GPAT2: variants seen among roughly 807,000 people sequenced by gnomAD.
GPAT2 encodes the protein glycerol-3-phosphate acyltransferase 2, mitochondrial, also known as 1-acylglycerol-3-phosphate O-acyltransferase GPAT2.
GPAT2 carries 51 observed loss-of-function variants against 71.0 expected under a neutral mutation model. The ratio of observed to expected loss-of-function variants is 0.72; its 90% CI spans 0.57 to 0.91. GPAT2 has a LOEUF of 0.91. Among genes scored for constraint, GPAT2 ranks in the 40% least tolerant of loss-of-function variants. GPAT2 has a pLI of 0.00. For synonymous variants in GPAT2, 222 were observed against 290.3 expected (o/e 0.76, Z 2.39); for missense variants, 511 against 666.0 (o/e 0.77, Z 2.56).
At chr2:96,025,200 C>G in intron 13 of GPAT2, 1 of 559,694 alleles carries the variant, frequency 1.8e-6, no homozygotes, top group Non-Finnish European at 3.2e-6. Flanking sequence ...GCTAAGGAGA[C>G]TCCGCTCAGA....
Position 96,022,714 on chromosome 2 carries a change from T to C in GPAT2, c.2243A>G (p.Asp748Gly). The C allele has an allele frequency of 6.2e-7, 1 of 1,613,878 alleles. No individual in the cohort carries two copies. The highest frequency in any genetic ancestry group is 8.5e-7 in the Non-Finnish European group (1 of 1,179,848). The change falls in exon 21 of 22, where the codon GAC becomes GGC. Residue 748 changes from aspartate (D) to glycine (G), a missense_variant. Asp to Gly is a moderately conservative substitution (Grantham distance 94, BLOSUM62 -1). Transcript: ENST00000434632. ...AQEEGIFECA[D>G]PKLAISAVWT... ...GACAGCACTGATGGCGAGCTTTGGG[T>C]CCGCACACTCTGGAAAGAAGAGAGA...
Position 96,024,810 on chromosome 2 carries a change from G to A in GPAT2, c.1391C>T (p.Ala464Val). 6.2e-7 allele frequency: 1 copy of A among 1,613,700 alleles called. No homozygotes were observed. The change falls in exon 14 of 22, where the codon GCC (alanine) becomes GTC (valine). Residue 464 changes from alanine (A) to valine (V), a missense_variant. By Grantham distance (64) the Ala-to-Val change is moderately conservative. Transcript: ENST00000434632. ...GAAGAGCAGCAGCGTTGCCATAATGGCCGTGCTCATCACCGCAGAGCTCCC... is the reference window on the plus strand; with the variant it reads ...GAAGAGCAGCAGCGTTGCCATAATGACCGTGCTCATCACCGCAGAGCTCCC... ...SVGSSAVMST[A>V]IMATLLLFKH...
Position 96,025,981 on chromosome 2 carries a change from C to T in GPAT2, c.1187G>A (p.Gly396Asp). The part of the protein sequence containing the change: ...EYIVSARSCW[G>D]GRQTLEQLLQ... ...TAGCTGCTCCAGGGTCTGTCTGCCG[C>T]CCCAGCAGCTTCTGGCACTGACGAT... The change falls in exon 12 of 22, where the codon GGC (glycine) becomes GAC (aspartate). Residue 396 changes from glycine (G) to aspartate (D), a missense_variant. This residue lies in a region of GPAT2 where 79 missense variants were observed against 111.4 expected (regional missense o/e 0.71). Transcript: ENST00000434632. 1 of 1,612,750 alleles carries T rather than the reference C, an allele frequency of 6.2e-7. No homozygotes were observed.
intron 13 of GPAT2, 142 bp from the exon 14 acceptor site, chr2:96,024,985 ATC>A: frequency 1.0e-6 from 1 of 955,132 alleles, no homozygotes; most frequent in Non-Finnish European, 1.7e-6. Context: ...AGTGGTGTTT[ATC>A]ATCACACAGG....
chr2:96,022,340 GC>G, intron 21 of GPAT2, 65 bp from the exon 22 acceptor site: 1 of 1,479,124 alleles, frequency 6.8e-7, no homozygotes, highest in South Asian at 1.4e-5. Flanking sequence ...TGGCCCAGGG[GC>G]CAGGCCTGTC....
chr2:96,022,251 C>G lies in GPAT2; in HGVS notation c.2314G>C (p.Ala772Pro). 1 of 1,603,302 alleles carries G rather than the reference C, an allele frequency of 6.2e-7. No homozygotes were observed. Among genetic ancestry groups the G allele is most frequent in the Non-Finnish European group, 8.5e-7 (1 of 1,174,710 alleles). The change falls in exon 22 of 22, where the codon GCA (alanine) becomes CCA (proline). Residue 772 changes from alanine (A) to proline (P), a missense_variant. By Grantham distance (27) the Ala-to-Pro change is conservative. Coordinates refer to ENST00000434632, the MANE Select transcript of GPAT2 (RefSeq NM_001321527.2). ...GGGGACAGGTGGAGCCTGGGGCCTGCAGGGCTCGGCGTCTGCTGCAGAACC... is the reference window on the plus strand; with the variant it reads ...GGGGACAGGTGGAGCCTGGGGCCTGGAGGGCTCGGCGTCTGCTGCAGAACC... ...LGVLQQTPSP[A>P]GPRLHLSPTF...
chr2:96,024,629 C>G lies in GPAT2; in HGVS notation c.1485G>C (p.Leu495=). 1 of 1,613,916 alleles carries G rather than the reference C, an allele frequency of 6.2e-7. No homozygotes were observed. The highest frequency in any genetic ancestry group is 8.5e-7 in the Non-Finnish European group (1 of 1,179,932). The change falls in exon 15 of 22, where the codon CTG becomes CTC. Residue 495 remains leucine (L), a synonymous_variant. Transcript: ENST00000434632. ...AGAAGCCTACATCAAAGCCACGCAACAGTATCTCCTCCGTCAGCCAGGAGA... is the reference window on the plus strand; with the variant it reads ...AGAAGCCTACATCAAAGCCACGCAAGAGTATCTCCTCCGTCAGCCAGGAGA... ...GEFSWLTEEI[L]LRGFDVGFSG...
Position 96,024,575 on chromosome 2 carries a change from G to T in GPAT2, c.1539C>A (p.His513Gln). 2 of 1,613,880 alleles carry T rather than the reference G, an allele frequency of 1.2e-6. No homozygotes were observed. The highest frequency in any genetic ancestry group is 1.7e-6 in the Non-Finnish European group (2 of 1,179,926). The change falls in exon 15 of 22, where the codon CAC becomes CAA. Residue 513 changes from histidine to glutamine, a missense_variant. This residue lies in a region of GPAT2 where 295 missense variants were observed against 305.5 expected (regional missense o/e 0.97). Transcript: ENST00000434632. ...FSGQLRSLLQHSLSLLRAHVA... is the reference protein window; with the variant it reads ...FSGQLRSLLQQSLSLLRAHVA... ...CGTGCGCCCGCAGCAGGCTCAGTGAGTGCTGCAGCAGGCTCCGCAGCTGCC... is the reference window on the plus strand; with the variant it reads ...CGTGCGCCCGCAGCAGGCTCAGTGATTGCTGCAGCAGGCTCCGCAGCTGCC...
intron 12 of GPAT2, 22 bp downstream of exon 12, chr2:96,025,908 C>G: frequency 3.1e-6 from 5 of 1,609,692 alleles, no homozygotes; most frequent in Non-Finnish European, 4.2e-6. Flanking sequence ...CCCCCTGAGA[C>G]CCCACGCTCC....
At chr2:96,022,843 A>G in intron 20 of GPAT2, 115 bp downstream of exon 20, 1 of 1,612,368 alleles carries the variant, frequency 6.2e-7, no homozygotes, top group South Asian at 1.1e-5. Context: ...TGGACAGAAG[A>G]CTGTACTCTG....
At position 96,024,486 on chromosome 2, in the gene GPAT2, G is replaced by A. The variant is rs768901134; in HGVS notation, c.1628C>T (p.Thr543Ile). The change falls in exon 15 of 22, where the codon ACA (threonine) becomes ATA (isoleucine). Residue 543 changes from threonine to isoleucine, a missense_variant. Physicochemically the swap from Thr to Ile is moderately conservative, Grantham distance 89 (BLOSUM62 -1). Transcript: ENST00000434632. ...CTCAGCACTCAGTTGTGCCAGGTGT[G>A]TGAGGCCTGGGCCAGGCTGCGGCAC... ...LVVPQPGPGL[T>I]HLAQLSAELL... 3.1e-6 allele frequency: 5 copies of A among 1,614,016 alleles called. No individual in the cohort carries two copies. The highest frequency in any genetic ancestry group is 1.1e-5 in the South Asian group (1 of 91,082).
In GPAT2 at chr2:96,024,325, C is replaced by T. The variant is rs536429504; in HGVS notation, c.1700G>A (p.Arg567Gln). 6.6e-5 allele frequency: 104 copies of T among 1,582,628 alleles called. No individual in the cohort carries two copies. The highest frequency in any genetic ancestry group is 2.9e-4 in the East Asian group (13 of 44,494). Residue 567 changes from arginine to glutamine, a missense_variant, in exon 16 of 22, where the codon CGG becomes CAG. Around this residue, in one of 7 missense-constraint regions of GPAT2, gnomAD observed 295 missense variants for 305.5 expected, o/e 0.97. Transcript: ENST00000434632. ...LSEAVGACAV[R>Q]GLLAGRVPPQ... ...CGGCACTCTGCCTGCCAGCAGCCCC[C>T]GCACTGCACAGGCTGGGGGCGGAGG...
At chr2:96,024,150 G>A (rs767517231) in intron 16 of GPAT2, 39 bp downstream of exon 16, 17 of 1,498,298 alleles carry the variant, frequency 1.1e-5, no homozygotes, top group South Asian at 2.7e-5. Context: ...ACCAAGAGGG[G>A]AAGGCCTAGG....
Position 96,023,382 on chromosome 2 carries a change from A to G in GPAT2, c.1973T>C (p.Leu658Pro). ...TGRQRLSRKL[L>P]WKPSGDFTDS... ...AGTAAAGTCCCCACTCGGTTTCCACAGCAGCTTTCTGCTCAATCGCTGTCG... is the reference window on the plus strand; with the variant it reads ...AGTAAAGTCCCCACTCGGTTTCCACGGCAGCTTTCTGCTCAATCGCTGTCG... The change falls in exon 18 of 22, where the codon CTG (leucine) becomes CCG (proline). Residue 658 changes from leucine to proline, a missense_variant. Physicochemically the swap from Leu to Pro is moderately conservative, Grantham distance 98. Transcript: ENST00000434632. The G allele has an allele frequency of 1.2e-6, 2 of 1,614,184 alleles. No homozygotes were observed. Among genetic ancestry groups the G allele is most frequent in the African/African-American group, 1.3e-5 (1 of 75,080 alleles).
intron 20 of GPAT2, 27 bp from the exon 21 acceptor site, chr2:96,022,750 C>T: frequency 7.4e-6 from 12 of 1,613,966 alleles, no homozygotes; most frequent in Non-Finnish European, 9.3e-6. Flanking sequence ...AGTGAAGGCT[C>T]TAGGTAGGGA....
rs1463684700 is a variant in GPAT2 at position 96,025,944 on chromosome 2, G to A, written c.1224C>T (p.Ile408=). ...TGTGCCCCTACCATTGGCCCAGCAC[G>A]ATGGGCTGCAGTAGCTGCTCCAGGG... is the stretch of plus-strand genomic sequence containing the variant. ...RQTLEQLLQP[I]VLGQCTAVPD... is the part of the protein sequence containing the mutation. The change falls in exon 12 of 22, where the codon ATC becomes ATT. Residue 408 remains isoleucine (I), a synonymous_variant. Transcript: ENST00000434632. 11 of 1,612,202 alleles carry A rather than the reference G, an allele frequency of 6.8e-6. No homozygotes were observed. Among genetic ancestry groups the A allele is most frequent in the Middle Eastern group, 2.0e-4 (1 of 4,976 alleles).
chr2:96,024,296 G>A lies in GPAT2; in HGVS notation c.1729C>T (p.Gln577Ter). 6.4e-7 allele frequency: 1 copy of A among 1,559,174 alleles called. No individual in the cohort carries two copies. Among genetic ancestry groups the A allele is most frequent in the African/African-American group, 1.4e-5 (1 of 73,712 alleles). ...ATGCCCTGCAGCTCCCAGGGCCCCT[G>A]GGGCGGCACTCTGCCTGCCAGCAGC... is the stretch of plus-strand genomic sequence containing the variant. ...RGLLAGRVPP[Q>*]GPWELQGILL... The change falls in exon 16 of 22, where the codon CAG (glutamine) becomes TAG (stop). Residue 577 changes from glutamine to a stop codon, truncating the protein, a stop_gained. Transcript: ENST00000434632. LOFTEE classifies it high-confidence loss of function.
In GPAT2 at chr2:96,023,336, G is replaced by A. The variant is rs113262512; in HGVS notation, c.2019C>T (p.Phe673=). ...GDFTDSDSDD[F]GEADGRYFRL... is the part of the protein sequence containing the mutation. ...TGAAGTACCGGCCGTCAGCCTCTCC[G>A]AAGTCATCACTGTCACTATCAGTAA... The change falls in exon 18 of 22, where the codon TTC becomes TTT. Residue 673 remains phenylalanine (F), a synonymous_variant. Coordinates refer to ENST00000434632, the MANE Select transcript of GPAT2 (RefSeq NM_001321527.2). The A allele has an allele frequency of 3.1e-3, 5,021 of 1,614,218 alleles. 11 individuals are homozygous for A. The highest frequency in any genetic ancestry group is 3.5e-3 in the Admixed American group (211 of 60,028).
At chr2:96,025,884 G>A (rs1472492372) in intron 12 of GPAT2, 46 bp downstream of exon 12, 2 of 1,560,924 alleles carry the variant, frequency 1.3e-6, no homozygotes, top group Non-Finnish European at 1.8e-6. Flanking sequence ...GGTGCTGAAG[G>A]GCTGCTTGCC....
Sources: gnomAD v4.1 joint callset for allele counts on GRCh38, gnomAD v4.1.1 for gene constraint, gnomAD v4.1.1 regional missense constraint, MANE v1.5 for transcripts, NCBI Gene and HGNC (gene_info 2026-07-23, HGNC 2026-07-21) for gene names.